KCNQ3: variants seen among roughly 807,000 people sequenced by gnomAD.
The protein encoded by KCNQ3 is potassium voltage-gated channel subfamily Q member 3, also known as potassium voltage-gated channel subfamily KQT member 3.
A neutral mutation model predicts 92.5 loss-of-function variants in KCNQ3; 30 were observed. That is an observed-to-expected ratio of 0.32 (90% CI 0.24 to 0.44). The LOEUF (loss-of-function observed/expected upper bound fraction) is 0.44, where lower values mean the gene tolerates loss of function less well. KCNQ3 is among the 20% of genes least tolerant of loss of function. KCNQ3 has a pLI of 1.00. For missense variants in KCNQ3, 913 were observed against 1,140.3 expected (o/e 0.80, Z 2.87); for synonymous variants, 450 against 468.8 (o/e 0.96, Z 0.52).
At chr8:132,461,235 T>A (rs1822053098) in intron 1 of KCNQ3, among the ~76,000 whole-genome samples, 1 of 152,198 alleles carries the variant, frequency 6.6e-6, no homozygotes, top group African/African-American at 2.4e-5. Context: ...ATGAGTTGGG[T>A]AAATAAGAGC....
chr8:132,136,590 A>C (rs1451909984), intron 12 of KCNQ3, among the ~76,000 whole-genome samples: 2 of 152,222 alleles, frequency 1.3e-5, no homozygotes, highest in East Asian at 3.8e-4. Flanking sequence ...TGTGTTTCTG[A>C]ATAAGCATAT....
chr8:132,189,403 C>T (rs1041939834), intron 1 of KCNQ3, among the ~76,000 whole-genome samples: 6 of 152,152 alleles, frequency 3.9e-5, no homozygotes, highest in Non-Finnish European at 7.4e-5. Context: ...ACATACTGTC[C>T]CAACACCTGA....
At chr8:132,468,101 T>G (rs1822216802) in intron 1 of KCNQ3, among the ~76,000 whole-genome samples, 1 of 152,240 alleles carries the variant, frequency 6.6e-6, no homozygotes, top group Non-Finnish European at 1.5e-5. Flanking sequence ...GCAAAGTAAC[T>G]GCTGATTAGT....
chr8:132,274,037 A>G (rs1453011637), intron 1 of KCNQ3, among the ~76,000 whole-genome samples: 5 of 152,102 alleles, frequency 3.3e-5, no homozygotes, highest in Non-Finnish European at 7.4e-5. Flanking sequence ...TCTTCCTGTT[A>G]CCCAGTTCCA....
chr8:132,367,143 A>T (rs1477367746), intron 1 of KCNQ3, among the ~76,000 whole-genome samples: 1 of 152,244 alleles, frequency 6.6e-6, no homozygotes. Context: ...GCTGCTTCAC[A>T]CAAGGCCTGA....
intron 1 of KCNQ3, among the ~76,000 whole-genome samples, chr8:132,464,385 G>A (rs1394710035): frequency 6.6e-6 from 1 of 152,180 alleles, no homozygotes; most frequent in Non-Finnish European, 1.5e-5. Flanking sequence ...GGCTGGCATT[G>A]TGTCCATTCA....
At chr8:132,250,355 C>A (rs984715004) in intron 1 of KCNQ3, among the ~76,000 whole-genome samples, 7 of 152,184 alleles carry the variant, frequency 4.6e-5, no homozygotes, top group Admixed American at 1.3e-4. Context: ...CTGGAAGGGT[C>A]TTCAGCAATT....
At chr8:132,222,003 T>C (rs1260599211) in intron 1 of KCNQ3, among the ~76,000 whole-genome samples, 5 of 152,202 alleles carry the variant, frequency 3.3e-5, no homozygotes, top group Admixed American at 6.5e-5. Context: ...GACATAGGCA[T>C]GGGCAAGGAC....
chr8:132,152,604 A>C (rs1489284827), intron 9 of KCNQ3, among the ~76,000 whole-genome samples: 1 of 152,114 alleles, frequency 6.6e-6, no homozygotes, highest in South Asian at 2.1e-4. Context: ...GTCAAGCTTG[A>C]CTTGCAGAGC....
chr8:132,363,394 T>C (rs573826241), intron 1 of KCNQ3, among the ~76,000 whole-genome samples: 1 of 152,076 alleles, frequency 6.6e-6, no homozygotes, highest in African/African-American at 2.4e-5. Context: ...ATTCCATAAT[T>C]TATTAAGGTC....
At chr8:132,196,748 G>A (rs1373794493) in intron 1 of KCNQ3, among the ~76,000 whole-genome samples, 1 of 152,190 alleles carries the variant, frequency 6.6e-6, no homozygotes, top group Non-Finnish European at 1.5e-5. Context: ...CATGGGTTCA[G>A]ACTTTCAGCC....
intron 1 of KCNQ3, among the ~76,000 whole-genome samples, chr8:132,475,047 T>A (rs1822378693): frequency 6.6e-6 from 1 of 152,132 alleles, no homozygotes; most frequent in African/African-American, 2.4e-5. Flanking sequence ...GTGTGACTCT[T>A]CCCCTTCACT....
In KCNQ3 at chr8:132,431,169, C is replaced by T. The variant is rs1345796785; in HGVS notation, c.386+48978G>A. Among the ~76,000 whole-genome samples the T allele has an allele frequency of 2.6e-5, 4 of 152,120 alleles. No individual in the cohort carries two copies. The East Asian group carries it at 5.8e-4, about 22-fold the overall frequency. Reference sequence around the variant, plus strand: ...TTGCATCCCTTGAAACCCCAAACACCACGCATCAGGACCCATGTTCCCTAC... The same window carrying T: ...TTGCATCCCTTGAAACCCCAAACACTACGCATCAGGACCCATGTTCCCTAC... On this transcript the variant is annotated intron_variant, in intron 1 of 14. Transcript: ENST00000388996.
intron 1 of KCNQ3, among the ~76,000 whole-genome samples, chr8:132,394,724 C>T (rs1443607795): frequency 6.6e-6 from 1 of 152,096 alleles, no homozygotes; most frequent in Non-Finnish European, 1.5e-5. Context: ...GATCATGAGG[C>T]TCCTGTTTGT....
intron 1 of KCNQ3, among the ~76,000 whole-genome samples, chr8:132,428,622 ATTTCT>A (rs142991222): frequency 0.014 from 2,088 of 152,216 alleles, 34 homozygotes; most frequent in African/African-American, 0.048. Flanking sequence ...CAAATTTGTG[ATTTCT>A]TTTATTAGGT....
chr8:132,472,151 A>G (rs1822311981), intron 1 of KCNQ3, among the ~76,000 whole-genome samples: 1 of 152,182 alleles, frequency 6.6e-6, no homozygotes, highest in African/African-American at 2.4e-5. Flanking sequence ...ATTCTTACAT[A>G]CTGTTGGTGG....
Position 132,213,355 on chromosome 8 carries a change from C to T in KCNQ3, c.387-27174G>A, listed in dbSNP as rs189037252. ...CTCCTTCTGCAATTTCTAATTGCTT[C>T]CCCTTTCTTTACTTCCCAAACTGCC... On this transcript the variant is annotated intron_variant, in intron 1 of 14. Coordinates refer to ENST00000388996, the MANE Select transcript of KCNQ3 (RefSeq NM_004519.4). Among the ~76,000 whole-genome samples, 3 of 152,290 alleles carry T rather than the reference C, an allele frequency of 2.0e-5. No homozygotes were observed. The South Asian group carries it at 6.2e-4, about 32-fold the overall frequency.
intron 1 of KCNQ3, among the ~76,000 whole-genome samples, chr8:132,387,549 A>T: frequency 6.6e-6 from 1 of 152,216 alleles, no homozygotes; most frequent in East Asian, 1.9e-4. Context: ...CTGATAGAGG[A>T]GATTTTATAC....
intron 7 of KCNQ3, among the ~76,000 whole-genome samples, chr8:132,170,903 C>T (rs907583471): frequency 1.5e-4 from 22 of 151,518 alleles, no homozygotes; most frequent in Admixed American, 3.3e-4. Flanking sequence ...CCTGTAGTTC[C>T]GGCTACCTGG....
Sources: allele counts gnomAD v4.1 joint callset (sites outside exome capture counted in the v4.1 genomes callset), GRCh38; gene constraint gnomAD v4.1.1; transcripts MANE v1.5; gene names NCBI Gene and HGNC (gene_info 2026-07-23, HGNC 2026-07-21).